The following IPO8 variants were observed in gnomAD, a reference collection of about 807,000 sequenced individuals.
IPO8 encodes the protein importin-8.
IPO8 carries 65 observed loss-of-function variants against 141.2 expected under a neutral mutation model. The observed-to-expected ratio is 0.46, with a 90% CI of 0.38 to 0.57. The LOEUF (loss-of-function observed/expected upper bound fraction) is 0.57. Among genes scored for constraint, IPO8 ranks in the 20% least tolerant of loss-of-function variants. The probability of loss-of-function intolerance (pLI) is 0.00; values close to 1 mark genes in which losing one functional copy is unlikely to be tolerated. For synonymous variants in IPO8, 411 were observed against 420.3 expected (o/e 0.98, Z 0.27); for missense variants, 980 against 1,246.8 (o/e 0.79, Z 3.22).
At chr12:30,677,553 A>G (rs1357455637) in intron 5 of IPO8, among the ~76,000 whole-genome samples, 2 of 151,962 alleles carry the variant, frequency 1.3e-5, no homozygotes, top group Admixed American at 1.3e-4. Flanking sequence ...TCCAGAAGGC[A>G]TTGTTATCAT....
chr12:30,631,703 C>A, intron 24 of IPO8, 192 bp downstream of exon 24: 1 of 496,120 alleles, frequency 2.0e-6, no homozygotes, highest in Non-Finnish European at 3.6e-6. Flanking sequence ...TATTAATGTG[C>A]AGGTTTTTGC....
Position 30,636,897 on chromosome 12 carries a change from T to C in IPO8, c.2695+85A>G, listed in dbSNP as rs1283367773. On this transcript the variant is annotated intron_variant, in intron 22 of 24. Transcript: ENST00000256079. ...GGCCGAAGAATGTAAATCTGTTTAA[T>C]GTCTCCATATAGACTAGTATTCATA... 1.3e-5 allele frequency: 14 copies of C among 1,118,012 alleles called. 1 individual carries two copies. In the Middle Eastern group the frequency reaches 8.1e-4, roughly 64 times the overall value. The allele number at this position is 1,118,012 out of a possible 1,614,324, so 69.3% of individuals were successfully genotyped here.
At chr12:30,658,425 T>C (rs1214292859) in intron 16 of IPO8, among the ~76,000 whole-genome samples, 2 of 152,228 alleles carry the variant, frequency 1.3e-5, no homozygotes, top group Non-Finnish European at 2.9e-5. Flanking sequence ...CTGAAGGCTT[T>C]AGGTTTTTTT....
At chr12:30,659,831 G>A (rs1345754756) in intron 16 of IPO8, among the ~76,000 whole-genome samples, 7 of 150,142 alleles carry the variant, frequency 4.7e-5, no homozygotes, top group Non-Finnish European at 8.9e-5. Flanking sequence ...CTCCAGCCTG[G>A]GTGACTGAGT....
chr12:30,640,787 T>C (rs1013098699), intron 20 of IPO8, among the ~76,000 whole-genome samples: 1 of 152,192 alleles, frequency 6.6e-6, no homozygotes, highest in Non-Finnish European at 1.5e-5. Context: ...AGTTCTGGTG[T>C]TCTATAGCAC....
chr12:30,661,105 G>C, intron 16 of IPO8, 36 bp downstream of exon 16: 1 of 1,345,652 alleles, frequency 7.4e-7, no homozygotes, highest in Non-Finnish European at 9.6e-7. Context: ...TCAGTTAAAT[G>C]CTACTATTAT....
At chr12:30,660,039 G>A (rs1301174706) in intron 16 of IPO8, among the ~76,000 whole-genome samples, 1 of 151,754 alleles carries the variant, frequency 6.6e-6, no homozygotes, top group Non-Finnish European at 1.5e-5. Context: ...CCTGGCCAAC[G>A]TGGTGAAACC....
intron 19 of IPO8, 44 bp from the exon 20 acceptor site, chr12:30,649,276 A>T: frequency 1.4e-6 from 2 of 1,380,958 alleles, no homozygotes; most frequent in Non-Finnish European, 2.0e-6. Context: ...GGCACTGCAT[A>T]GAGGTTAATC....
chr12:30,684,214 A>T (rs1444387562), intron 3 of IPO8, 87 bp downstream of exon 3: 1 of 1,150,372 alleles, frequency 8.7e-7, no homozygotes, highest in Admixed American at 2.3e-5. Context: ...ATGAAACATG[A>T]GGCCAAGGAT....
chr12:30,689,172 T>C (rs1482835439), intron 2 of IPO8, among the ~76,000 whole-genome samples: 3 of 152,136 alleles, frequency 2.0e-5, no homozygotes, highest in African/African-American at 7.2e-5. Context: ...CTGATGGCAG[T>C]CATCTTTGGG....
intron 2 of IPO8, among the ~76,000 whole-genome samples, chr12:30,685,677 C>T (rs1249718501): frequency 6.6e-6 from 1 of 151,540 alleles, no homozygotes; most frequent in African/African-American, 2.4e-5. Flanking sequence ...GTAATCCCAG[C>T]ACTTTGGGAG....
At chr12:30,642,742 A>G (rs1426344323) in intron 20 of IPO8, among the ~76,000 whole-genome samples, 6 of 152,058 alleles carry the variant, frequency 3.9e-5, no homozygotes, top group African/African-American at 1.4e-4. Context: ...AGTCTTGAAT[A>G]CCATTTCCCA....
intron 10 of IPO8, among the ~76,000 whole-genome samples, chr12:30,667,127 TAAG>T (rs531895403): frequency 8.4e-4 from 128 of 152,298 alleles, no homozygotes; most frequent in Middle Eastern, 3.4e-3. Context: ...ACAAACATAA[TAAG>T]AACATTTTTG....
At chr12:30,646,339 T>A (rs2052646356) in intron 20 of IPO8, among the ~76,000 whole-genome samples, 1 of 152,092 alleles carries the variant, frequency 6.6e-6, no homozygotes, top group Non-Finnish European at 1.5e-5. Flanking sequence ...TTAGCAACAG[T>A]CAAGAACTGA....
chr12:30,671,554 G>C (rs1164838620), intron 8 of IPO8, among the ~76,000 whole-genome samples: 1 of 151,616 alleles, frequency 6.6e-6, no homozygotes, highest in Non-Finnish European at 1.5e-5. Context: ...GGTGCCTGTA[G>C]TCCCAGCTAC....
At position 30,631,080 on chromosome 12, in the gene IPO8, T is replaced by C. The variant is rs886360530; in HGVS notation, c.3017-123A>G. Reference sequence around the variant, plus strand: ...TAGAACTGTGAAAGAATGTGACTGGTAGTATTAGTTATCCTGCCAAAGAAT... The same window carrying C: ...TAGAACTGTGAAAGAATGTGACTGGCAGTATTAGTTATCCTGCCAAAGAAT... On this transcript the variant is annotated intron_variant, in intron 24 of 24. Transcript: ENST00000256079. 7 of 648,144 alleles carry C rather than the reference T, an allele frequency of 1.1e-5. No individual in the cohort carries two copies. In the African/African-American group the frequency reaches 1.1e-4, roughly 10 times the overall value. 40.1% of individuals were successfully genotyped at this position (648,144 alleles called of 1,614,324 possible).
chr12:30,663,692 A>G (rs748370388), intron 13 of IPO8, 38 bp from the exon 14 acceptor site: 2 of 1,442,630 alleles, frequency 1.4e-6, no homozygotes, highest in Non-Finnish European at 1.9e-6. Context: ...AGCTATTAGG[A>G]TTATAGCATT....
chr12:30,640,656 ATGGTCAAATAATTAGTTG>A (rs1346081756), intron 20 of IPO8, among the ~76,000 whole-genome samples: 1 of 152,234 alleles, frequency 6.6e-6, no homozygotes, highest in Non-Finnish European at 1.5e-5. Flanking sequence ...AATTATTACC[ATGGTCAAATAATTAGTTG>A]TGGATAAACG....
chr12:30,675,700 C>T (rs1260834858), intron 6 of IPO8, among the ~76,000 whole-genome samples: 2 of 151,020 alleles, frequency 1.3e-5, no homozygotes, highest in Non-Finnish European at 3.0e-5. Context: ...AAAAATTAGC[C>T]GGGCGTGGTG....
Sources: gnomAD v4.1 joint callset for allele counts (sites outside exome capture counted in the v4.1 genomes callset) on GRCh38, gnomAD v4.1.1 for gene constraint, MANE v1.5 for transcripts, NCBI Gene and HGNC (gene_info 2026-07-23, HGNC 2026-07-21) for gene names.